ZDHHC11: variants seen among roughly 807,000 people sequenced by gnomAD.
ZDHHC11 encodes the protein zDHHC palmitoyltransferase 11, also known as palmitoyltransferase ZDHHC11.
Under a neutral mutation model 51.3 loss-of-function variants are expected in ZDHHC11, and 44 were observed. That is an observed-to-expected ratio of 0.86 (90% CI 0.67 to 1.10). The LOEUF (loss-of-function observed/expected upper bound fraction) is 1.10. ZDHHC11 is among the 50% of genes least tolerant of loss of function. ZDHHC11 has a pLI of 0.00. For missense variants in ZDHHC11, 400 were observed against 537.7 expected (o/e 0.74, Z 2.53); for synonymous variants, 163 against 222.0 (o/e 0.73, Z 2.36).
intron 11 of ZDHHC11, among the ~76,000 whole-genome samples, chr5:802,462 G>A (rs1221224021): frequency 6.6e-6 from 1 of 150,904 alleles, no homozygotes; most frequent in Admixed American, 6.6e-5. Context: ...GAGACATACA[G>A]GTTGGTGGGG....
intron 11 of ZDHHC11, among the ~76,000 whole-genome samples, chr5:804,202 G>C (rs755479949): frequency 3.3e-5 from 5 of 151,414 alleles, no homozygotes; most frequent in African/African-American, 1.2e-4. Flanking sequence ...GTTTTAAATT[G>C]TGTGTAGTTC....
intron 10 of ZDHHC11, among the ~76,000 whole-genome samples, chr5:815,532 T>C (rs1740673996): frequency 1.3e-5 from 2 of 151,402 alleles, no homozygotes; most frequent in South Asian, 4.2e-4. Flanking sequence ...AGTTCTCCGA[T>C]GTCTTCACCA....
At position 825,299 on chromosome 5, in the gene ZDHHC11, G is replaced by C. The variant is rs377725417; in HGVS notation, c.936-48C>G. 151 of 1,588,454 alleles carry C rather than the reference G, an allele frequency of 9.5e-5. 3 individuals are homozygous for C. Among genetic ancestry groups the C allele is most frequent in the Non-Finnish European group, 6.0e-6 (7 of 1,157,532 alleles). On this transcript the variant is annotated intron_variant, in intron 7 of 12. Transcript: ENST00000283441. ...AGAAACTCATCTCAGCTTTGTAGGG[G>C]GACTCAGGGTGGCACTGGAGGCTGC... is the stretch of plus-strand genomic sequence containing the variant.
Position 833,778 on chromosome 5 carries a change from T to G in ZDHHC11, c.930A>C (p.Ala310=), listed in dbSNP as rs1404753351. ...QQGAGALGSS[A]QGVKAKSSLL... ...GCAGGAAGCTTGCAACTTACCCCTG[T>G]GCAGATGAGCCCAGGGCGCCAGCTC... The change falls in exon 7 of 13, where the codon GCA becomes GCC. Residue 310 remains alanine, a synonymous_variant. Coordinates refer to ENST00000283441, the MANE Select transcript of ZDHHC11 (RefSeq NM_024786.3). 6.6e-7 allele frequency: 1 copy of G among 1,525,372 alleles called. No homozygotes were observed. The highest frequency in any genetic ancestry group is 1.7e-4 in the Middle Eastern group (1 of 5,886). The allele number at this position is 1,525,372 out of a possible 1,614,324, so 94.5% of individuals were successfully genotyped here. A position where few individuals can be genotyped will look rare whatever the true frequency, so the allele number is the denominator to read the frequency against.
chr5:812,227 G>C (rs1165600487), intron 11 of ZDHHC11, among the ~76,000 whole-genome samples: 1 of 149,016 alleles, frequency 6.7e-6, no homozygotes, highest in Non-Finnish European at 1.5e-5. Flanking sequence ...AGCAAGACAG[G>C]TACATTTGAC....
intron 11 of ZDHHC11, among the ~76,000 whole-genome samples, chr5:806,864 A>T (rs1371091848): frequency 6.6e-6 from 1 of 151,238 alleles, no homozygotes; most frequent in Non-Finnish European, 1.5e-5. Context: ...GTTGGAGAGG[A>T]CATGAAGCAA....
intron 9 of ZDHHC11, among the ~76,000 whole-genome samples, chr5:821,638 G>GA (rs976162189): frequency 2.2e-5 from 3 of 135,482 alleles, no homozygotes; most frequent in South Asian, 4.5e-4. Flanking sequence ...AGCGTACCAG[G>GA]AAAAAAACAA....
rs1291067087 is a variant in ZDHHC11 at position 827,731 on chromosome 5, T to A, written c.936-2480A>T. On this transcript the variant is annotated intron_variant, in intron 7 of 12. Coordinates refer to ENST00000283441, the MANE Select transcript of ZDHHC11 (RefSeq NM_024786.3). The stretch of plus-strand genomic sequence containing the variant: ...TAATGAGGGACCTGCCAAATTTATT[T>A]TTTTTTATTCTTTATTTTTTTTTTT... 2.0e-5 allele frequency among the ~76,000 whole-genome samples: 3 copies of A among 151,000 alleles called. No homozygotes were observed. The East Asian group carries it at 5.8e-4, about 29-fold the overall frequency.
intron 6 of ZDHHC11, among the ~76,000 whole-genome samples, chr5:834,197 G>A (rs1216087698): frequency 1.3e-5 from 2 of 152,270 alleles, no homozygotes; most frequent in African/African-American, 4.8e-5. Flanking sequence ...GTGTGTGGTA[G>A]TATCTGATTG....
At chr5:859,849 G>T (rs1748697386), upstream of ZDHHC11, among the ~76,000 whole-genome samples, 1 of 140,556 alleles carries the variant, frequency 7.1e-6, no homozygotes, top group Non-Finnish European at 1.5e-5. Flanking sequence ...CGTGTCGGTT[G>T]GGGGGGGTCC....
intron 11 of ZDHHC11, among the ~76,000 whole-genome samples, chr5:805,346 A>T (rs1739094654): frequency 6.6e-6 from 1 of 150,898 alleles, no homozygotes; most frequent in South Asian, 2.1e-4. Flanking sequence ...GTTGAGGTGG[A>T]AAGATTGCTT....
At chr5:840,902 G>C (rs1168983468) in intron 4 of ZDHHC11, 45 of 1,422,870 alleles carry the variant, frequency 3.2e-5, no homozygotes, top group Non-Finnish European at 4.1e-5. Context: ...AAGTGCCGGG[G>C]TCACAGTGCC....
At chr5:851,351 G>A (rs992983542), upstream of ZDHHC11, among the ~76,000 whole-genome samples, 9 of 151,796 alleles carry the variant, frequency 5.9e-5, no homozygotes, top group South Asian at 2.1e-4. Context: ...GGCGGCAGGG[G>A]TGGGAGGGAC....
chr5:803,010 G>T (rs1206019468), intron 11 of ZDHHC11, among the ~76,000 whole-genome samples: 4 of 146,598 alleles, frequency 2.7e-5, no homozygotes, highest in African/African-American at 1.0e-4. Flanking sequence ...GACAGAGCGA[G>T]ACTCTATCTC....
In ZDHHC11 at chr5:821,810, A is replaced by G. The variant is rs947765797; in HGVS notation, c.1058+51T>C. On this transcript the variant is annotated intron_variant, in intron 9 of 12. Transcript: ENST00000283441. ...AAGTAATTCGAGATGAGACGAGTGT[A>G]TAACTATGTTACTAATAGATAAAAT... The G allele has an allele frequency of 9.3e-6, 14 of 1,508,036 alleles. 1 individual carries two copies. The highest frequency in any genetic ancestry group is 2.3e-5 in the East Asian group (1 of 44,442). 93.4% of individuals were successfully genotyped at this position (1,508,036 alleles called of 1,614,324 possible).
upstream of ZDHHC11, among the ~76,000 whole-genome samples, chr5:854,590 G>A (rs1747855471): frequency 6.7e-6 from 1 of 149,308 alleles, no homozygotes; most frequent in East Asian, 2.0e-4. Context: ...AGATCCCACA[G>A]AGGACAGCGA....
chr5:808,623 C>T (rs1739626535), intron 11 of ZDHHC11, among the ~76,000 whole-genome samples: 1 of 148,980 alleles, frequency 6.7e-6, no homozygotes, highest in Admixed American at 6.7e-5. Context: ...GCAACCTTCA[C>T]CTCCCAGGTT....
At chr5:851,305 C>A (rs1172804246), upstream of ZDHHC11, among the ~76,000 whole-genome samples, 2 of 151,944 alleles carry the variant, frequency 1.3e-5, no homozygotes, top group African/African-American at 2.4e-5. Context: ...AGGTTCTGAA[C>A]ACGCTGCGGC....
chr5:812,528 T>A (rs887806847), intron 11 of ZDHHC11, among the ~76,000 whole-genome samples: 22 of 151,500 alleles, frequency 1.5e-4, no homozygotes, highest in Non-Finnish European at 1.8e-4. Flanking sequence ...CAATTAAAAG[T>A]GTTATTTGGA....
Sources: allele counts gnomAD v4.1 joint callset (sites outside exome capture counted in the v4.1 genomes callset), GRCh38; gene constraint gnomAD v4.1.1; transcripts MANE v1.5; gene names NCBI Gene and HGNC (gene_info 2026-07-23, HGNC 2026-07-21).